GPCPD1: variants seen among roughly 807,000 people sequenced by gnomAD.
GPCPD1 encodes glycerophosphocholine phosphodiesterase 1.
In GPCPD1, 29 loss-of-function variants were observed where a neutral mutation model predicts 89.2. The observed-to-expected ratio is 0.33, with a 90% confidence interval of 0.24 to 0.44. GPCPD1 has a LOEUF of 0.44. Ranked by LOEUF, GPCPD1 falls within the 20% of genes least tolerant of loss-of-function variation. The probability of loss-of-function intolerance (pLI) is 1.00; values close to 1 mark genes in which losing one functional copy is unlikely to be tolerated. For synonymous variants in GPCPD1, 258 were observed against 266.3 expected, an observed-to-expected ratio of 0.97 and a Z score of 0.30; for missense variants, 594 against 808.9, an observed-to-expected ratio of 0.73 and a Z score of 3.22.
At chr20:5,576,424 A>C (rs1307059475) in intron 8 of GPCPD1, among the ~76,000 whole-genome samples, 1 of 151,656 alleles carries the variant, frequency 6.6e-6, no homozygotes, top group East Asian at 1.9e-4. Context: ...CATCTCAAAA[A>C]AAAAAAAAAA....
intron 18 of GPCPD1, 135 bp downstream of exon 18, chr20:5,558,549 T>C: frequency 1.8e-6 from 1 of 556,862 alleles, no homozygotes. Context: ...ATCCTCGTTT[T>C]TAAGTAGAGC....
chr20:5,572,867 TTTTA>T (rs1309758093), intron 11 of GPCPD1, among the ~76,000 whole-genome samples: 1 of 152,130 alleles, frequency 6.6e-6, no homozygotes, highest in East Asian at 1.9e-4. Context: ...ACTGATACTT[TTTTA>T]TTTATTTATT....
rs775629835 is a variant in GPCPD1 at position 5,561,501 on chromosome 20, C to T, written c.1359G>A (p.Gly453=). The T allele has an allele frequency of 2.5e-6, 4 of 1,602,364 alleles. No homozygotes were observed. In the Admixed American group the frequency reaches 5.0e-5, roughly 20 times the overall value. ...MVLESLPEDV[G]FNIEIKWICQ... ...AGATCCATTTTATTTCAATGTTAAA[C>T]CCTACATCTTCTGGCAAAGACTCTA... The change falls in exon 16 of 20, where the codon GGG becomes GGA. Residue 453 remains glycine (G), a synonymous_variant. Transcript: ENST00000379019.
In GPCPD1 at chr20:5,559,975, T is replaced by C. The variant is rs1429767192; in HGVS notation, c.1497A>G (p.Ile499Met). 6.4e-7 allele frequency: 1 copy of C among 1,559,562 alleles called. No individual in the cohort carries two copies. Among genetic ancestry groups the C allele is most frequent in the Non-Finnish European group, 8.7e-7 (1 of 1,144,790 alleles). The change falls in exon 17 of 20, where the codon ATA becomes ATG. Residue 499 changes from isoleucine (I) to methionine (M), a missense_variant. Ile to Met is a conservative substitution (Grantham distance 10). Coordinates refer to ENST00000379019, the MANE Select transcript of GPCPD1 (RefSeq NM_019593.5). ...TVLENSGKRR[I>M]VFSSFDADIC... The stretch of plus-strand genomic sequence containing the variant: ...TATCTGCATCAAATGAAGAAAACAC[T>C]ATTCTCCTCTTCCCAGAATTTTCTA...
chr20:5,555,058 A>G (rs1192524520), intron 19 of GPCPD1, among the ~76,000 whole-genome samples: 1 of 152,266 alleles, frequency 6.6e-6, no homozygotes, highest in East Asian at 1.9e-4. Context: ...ATCTCATGAT[A>G]AAACTTTAAC....
intron 11 of GPCPD1, among the ~76,000 whole-genome samples, chr20:5,571,943 G>A (rs956484731): frequency 1.4e-4 from 21 of 150,960 alleles, no homozygotes; most frequent in African/African-American, 4.4e-4. Flanking sequence ...TCATCACACC[G>A]GCATGATGGT....
At chr20:5,595,808 G>GGC (rs1979682234) in intron 3 of GPCPD1, among the ~76,000 whole-genome samples, 2 of 151,056 alleles carry the variant, frequency 1.3e-5, no homozygotes, top group Admixed American at 1.3e-4. Context: ...AGAAAAAAAG[G>GGC]GGGGGGGACA....
intron 1 of GPCPD1, among the ~76,000 whole-genome samples, chr20:5,609,133 GT>G (rs1039623268): frequency 6.6e-6 from 1 of 152,100 alleles, no homozygotes; most frequent in African/African-American, 2.4e-5. Context: ...TAGCTAAAGT[GT>G]TTTTTTGGCT....
chr20:5,586,669 C>T (rs539154947), intron 4 of GPCPD1, among the ~76,000 whole-genome samples: 4 of 152,244 alleles, frequency 2.6e-5, no homozygotes, highest in African/African-American at 9.6e-5. Flanking sequence ...GTACCTCCTG[C>T]TCTATGCATT....
intron 10 of GPCPD1, chr20:5,574,242 T>C (rs906108074): frequency 2.5e-6 from 1 of 402,700 alleles, no homozygotes; most frequent in Non-Finnish European, 4.4e-6. Context: ...CTTGGAGACA[T>C]GTAAAGTGAT....
intron 3 of GPCPD1, among the ~76,000 whole-genome samples, chr20:5,596,238 A>T (rs1346193313): frequency 7.1e-6 from 1 of 140,142 alleles, no homozygotes; most frequent in Non-Finnish European, 1.7e-5. Context: ...TCATCTCTAT[A>T]AAAAAATTTT....
At chr20:5,579,757 A>G (rs950895331) in intron 7 of GPCPD1, among the ~76,000 whole-genome samples, 5 of 152,256 alleles carry the variant, frequency 3.3e-5, no homozygotes, top group African/African-American at 4.8e-5. Context: ...AAACTATAAA[A>G]ATACATAAGC....
At chr20:5,590,707 T>G (rs1048952952) in intron 4 of GPCPD1, among the ~76,000 whole-genome samples, 19 of 152,094 alleles carry the variant, frequency 1.2e-4, no homozygotes, top group Non-Finnish European at 2.6e-4. Flanking sequence ...ACTAATAAAC[T>G]ATTGTACAAA....
chr20:5,602,334 C>A (rs1366765220), intron 2 of GPCPD1, among the ~76,000 whole-genome samples: 2 of 152,232 alleles, frequency 1.3e-5, no homozygotes, highest in East Asian at 3.9e-4. Flanking sequence ...CTTCTAGCTT[C>A]AACTGCCTGC....
rs144646628 is a variant in GPCPD1, at chr20:5,586,881, G to A, written c.232-612C>T. On this transcript the variant is annotated intron_variant, in intron 4 of 19. Coordinates refer to ENST00000379019, the MANE Select transcript of GPCPD1 (RefSeq NM_019593.5). ...TAAAGAACACGGGAAATTCTAGAAG[G>A]GACATGTGGCCAGGTAAACTTGAAG... Among the ~76,000 whole-genome samples, 6 of 152,280 alleles carry A rather than the reference G, an allele frequency of 3.9e-5. No homozygotes were observed. In the East Asian group the frequency reaches 1.2e-3, roughly 29 times the overall value.
intron 5 of GPCPD1, chr20:5,584,533 T>C: frequency 3.0e-6 from 1 of 329,910 alleles, no homozygotes; most frequent in Middle Eastern, 8.5e-4. Context: ...ACATACTTCG[T>C]TGATTGTCCA....
intron 4 of GPCPD1, 63 bp downstream of exon 4, chr20:5,593,264 C>T (rs946105556): frequency 1.3e-5 from 11 of 830,282 alleles, no homozygotes; most frequent in Non-Finnish European, 2.3e-5. Context: ...CGTGTTCAAA[C>T]TTAAGTGAGT....
At chr20:5,586,847 C>G (rs1978960963) in intron 4 of GPCPD1, among the ~76,000 whole-genome samples, 1 of 152,130 alleles carries the variant, frequency 6.6e-6, no homozygotes, top group Non-Finnish European at 1.5e-5. Flanking sequence ...TCATAGGAAC[C>G]AGTGTTTCTA....
chr20:5,550,134 C>T (rs1985298328), intron 19 of GPCPD1, among the ~76,000 whole-genome samples: 1 of 151,472 alleles, frequency 6.6e-6, no homozygotes, highest in Non-Finnish European at 1.5e-5. Context: ...ACAGAGGTTG[C>T]AGTGAGCCCA....
Sources: gnomAD v4.1 joint callset for allele counts (sites outside exome capture counted in the v4.1 genomes callset) on GRCh38, gnomAD v4.1.1 for gene constraint, MANE v1.5 for transcripts, NCBI Gene and HGNC (gene_info 2026-07-23, HGNC 2026-07-21) for gene names.